Variants in SMYD3 observed in about 807,000 individuals in gnomAD.
The protein encoded by SMYD3 is histone-lysine N-methyltransferase SMYD3.
A neutral mutation model predicts 57.7 loss-of-function variants in SMYD3; 36 were observed. That is an observed-to-expected ratio of 0.62 (90% CI 0.48 to 0.82). The LOEUF is 0.82. SMYD3 is among the 40% of genes least tolerant of loss of function. The pLI, the probability that SMYD3 is intolerant of heterozygous loss-of-function variation, is 0.00. For missense variants in SMYD3, 515 were observed against 538.8 expected (o/e 0.96, Z 0.44); for synonymous variants, 211 against 195.0 (o/e 1.08, Z -0.68).
chr1:246,095,603 G>A (rs984850594), intron 5 of SMYD3, among the ~76,000 whole-genome samples: 2 of 152,188 alleles, frequency 1.3e-5, no homozygotes, highest in African/African-American at 4.8e-5. Context: ...AGGGCAGGCT[G>A]ACATCAAAAA....
In SMYD3 at chr1:246,218,679, A is replaced by C. The variant is rs553519485; in HGVS notation, c.531+108522T>G. Among the ~76,000 whole-genome samples, 5 of 152,212 alleles carry C rather than the reference A, an allele frequency of 3.3e-5. No homozygotes were observed. In the South Asian group the frequency reaches 1.0e-3, roughly 32 times the overall value. On this transcript the variant is annotated intron_variant, in intron 5 of 11. Coordinates refer to ENST00000490107, the MANE Select transcript of SMYD3 (RefSeq NM_001167740.2). The stretch of plus-strand genomic sequence containing the variant: ...TCTTAAGACTGGCTGACTGCTATGC[A>C]AGTTGTTTGTTTACTGTTATTTGTA...
At chr1:246,307,281 T>C (rs927134630) in intron 5 of SMYD3, among the ~76,000 whole-genome samples, 2 of 152,218 alleles carry the variant, frequency 1.3e-5, no homozygotes, top group African/African-American at 4.8e-5. Context: ...AGTGGCTCTT[T>C]CTCTTCATGT....
chr1:245,980,995 A>G (rs1399854159), intron 5 of SMYD3, among the ~76,000 whole-genome samples: 1 of 152,238 alleles, frequency 6.6e-6, no homozygotes, highest in East Asian at 1.9e-4. Flanking sequence ...TATAGCCCAG[A>G]AAGCCTAAAT....
At chr1:245,773,191 A>G (rs2046409781) in intron 10 of SMYD3, among the ~76,000 whole-genome samples, 1 of 152,062 alleles carries the variant, frequency 6.6e-6, no homozygotes, top group Non-Finnish European at 1.5e-5. Flanking sequence ...AACTACTGCT[A>G]CATTTGCCTG....
At chr1:245,907,117 A>C (rs1044979713) in intron 8 of SMYD3, among the ~76,000 whole-genome samples, 16 of 152,192 alleles carry the variant, frequency 1.1e-4, no homozygotes, top group African/African-American at 3.6e-4. Flanking sequence ...GGGACAACAG[A>C]AATAGAAAGA....
chr1:246,403,213 G>A (rs1248376535), intron 1 of SMYD3, among the ~76,000 whole-genome samples: 1 of 152,112 alleles, frequency 6.6e-6, no homozygotes, highest in African/African-American at 2.4e-5. Context: ...AATTACAGTT[G>A]GCCAGGTGCA....
chr1:245,950,564 T>C (rs1558526398), intron 5 of SMYD3, among the ~76,000 whole-genome samples: 1 of 152,210 alleles, frequency 6.6e-6, no homozygotes, highest in Non-Finnish European at 1.5e-5. Flanking sequence ...CTCTTAACAT[T>C]GCCCAGAAGG....
At chr1:246,503,340 C>A (rs560695532) in intron 1 of SMYD3, among the ~76,000 whole-genome samples, 1 of 152,202 alleles carries the variant, frequency 6.6e-6, no homozygotes, top group African/African-American at 2.4e-5. Flanking sequence ...TTAGAGTTTG[C>A]CAGAAGTAAC....
intron 5 of SMYD3, among the ~76,000 whole-genome samples, chr1:246,141,103 G>A (rs996160684): frequency 1.3e-5 from 2 of 152,152 alleles, no homozygotes; most frequent in Admixed American, 6.5e-5. Context: ...CTTGAAGCTG[G>A]TGACTCTGTC....
intron 10 of SMYD3, among the ~76,000 whole-genome samples, chr1:245,801,526 G>C (rs1258693152): frequency 6.6e-6 from 1 of 152,234 alleles, no homozygotes; most frequent in South Asian, 2.1e-4. Context: ...ACGAAGCTCA[G>C]AGGAAGGGAT....
intron 7 of SMYD3, among the ~76,000 whole-genome samples, chr1:245,917,934 C>T (rs1166680592): frequency 1.3e-5 from 2 of 152,164 alleles, no homozygotes; most frequent in Non-Finnish European, 2.9e-5. Flanking sequence ...AAAGCATGAT[C>T]TTACTTGTTT....
At chr1:246,444,358 T>TCA (rs1175422163) in intron 1 of SMYD3, among the ~76,000 whole-genome samples, 3 of 152,086 alleles carry the variant, frequency 2.0e-5, no homozygotes, top group African/African-American at 4.8e-5. Context: ...ACTCCTGACC[T>TCA]TGTGATCCAC....
intron 2 of SMYD3, among the ~76,000 whole-genome samples, chr1:246,346,954 CAG>C (rs1293786548): frequency 2.0e-5 from 3 of 152,056 alleles, no homozygotes; most frequent in Non-Finnish European, 4.4e-5. Context: ...CAAGAACAGA[CAG>C]GGGATATAGG....
intron 5 of SMYD3, among the ~76,000 whole-genome samples, chr1:246,127,326 G>A (rs1021924169): frequency 2.6e-5 from 4 of 152,060 alleles, no homozygotes; most frequent in East Asian, 1.9e-4. Context: ...CAGAAAAGGT[G>A]AGAACTTTTT....
At chr1:245,985,425 C>T (rs892368712) in intron 5 of SMYD3, among the ~76,000 whole-genome samples, 1 of 152,114 alleles carries the variant, frequency 6.6e-6, no homozygotes, top group Non-Finnish European at 1.5e-5. Context: ...CTACCTTGTT[C>T]CTGTTCCCCT....
chr1:246,376,093 C>CA lies in SMYD3; in HGVS notation c.165-21000dup, dbSNP rs753345908. On this transcript the variant is annotated intron_variant, in intron 1 of 11. Coordinates refer to ENST00000490107, the MANE Select transcript of SMYD3 (RefSeq NM_001167740.2). ...TTACTTAGAAATATGCCTAGCTTCT[C>CA]AAAAAAACTATTTTGACACGTGATA... Among the ~76,000 whole-genome samples, 4 of 151,860 alleles carry CA rather than the reference C, an allele frequency of 2.6e-5. No homozygotes were observed. The East Asian group carries it at 7.7e-4, about 29-fold the overall frequency.
intron 5 of SMYD3, chr1:246,178,801 A>AT (rs2062479648): frequency 6.6e-6 from 1 of 151,984 alleles, no homozygotes; most frequent in Non-Finnish European, 1.5e-5. Flanking sequence ...GCCAGAAGGG[A>AT]AAGACTGAAT....
intron 5 of SMYD3, among the ~76,000 whole-genome samples, chr1:246,041,299 TC>T (rs1273422594): frequency 6.6e-6 from 1 of 152,116 alleles, no homozygotes; most frequent in Non-Finnish European, 1.5e-5. Flanking sequence ...GGACCCACCA[TC>T]CTGAGGGTGG....
intron 11 of SMYD3, among the ~76,000 whole-genome samples, chr1:245,763,258 T>C (rs899451032): frequency 2.0e-5 from 3 of 152,160 alleles, no homozygotes; most frequent in Non-Finnish European, 2.9e-5. Flanking sequence ...CCAGATCCCT[T>C]GCATGGCACT....
Sources: gnomAD v4.1 joint callset for allele counts (sites outside exome capture counted in the v4.1 genomes callset) on GRCh38, gnomAD v4.1.1 for gene constraint, MANE v1.5 for transcripts, NCBI Gene and HGNC (gene_info 2026-07-23, HGNC 2026-07-21) for gene names.